Variants in MPZL3 observed in about 807,000 individuals in gnomAD.
MPZL3 encodes the protein myelin protein zero like 3.
MPZL3 carries 23 observed loss-of-function variants against 24.8 expected under a neutral mutation model. The observed-to-expected ratio is 0.93, with a 90% CI of 0.67 to 1.31. MPZL3 has a LOEUF of 1.31. Ranked by LOEUF, MPZL3 falls within the 40% of genes most tolerant of loss-of-function variation. The pLI, the probability that MPZL3 is intolerant of heterozygous loss-of-function variation, is 0.00. For synonymous variants in MPZL3, 99 were observed against 106.5 expected, an observed-to-expected ratio of 0.93 and a Z score of 0.44; for missense variants, 277 against 294.9, an observed-to-expected ratio of 0.94 and a Z score of 0.44.
intron 1 of MPZL3, among the ~76,000 whole-genome samples, chr11:118,248,662 T>A (rs1715446): frequency 0.063 from 9,494 of 150,772 alleles, 978 homozygotes; most frequent in African/African-American, 0.22. Context: ...AAAAAAAAAA[T>A]TCTAAATGAC....
chr11:118,238,261 G>A (rs1396006042), intron 2 of MPZL3, among the ~76,000 whole-genome samples: 1 of 152,154 alleles, frequency 6.6e-6, no homozygotes, highest in Admixed American at 6.5e-5. Context: ...AAAATCACAA[G>A]GAGGTTGTAA....
In MPZL3 at chr11:118,229,861, T is replaced by C. The variant is rs900208630; in HGVS notation, c.*33A>G. On this transcript the variant is annotated 3_prime_UTR_variant, in exon 6 of 6. Coordinates refer to ENST00000278949, the MANE Select transcript of MPZL3 (RefSeq NM_198275.3). ...AGTGGAATGGGATGTTTCCTGTCTT[T>C]AGGTGACTCTTCTTGTGTCATACAG... 5 of 1,612,068 alleles carry C rather than the reference T, an allele frequency of 3.1e-6. No individual in the cohort carries two copies. Among genetic ancestry groups the C allele is most frequent in the Non-Finnish European group, 4.2e-6 (5 of 1,178,514 alleles).
chr11:118,240,109 T>A (rs1949473592), intron 2 of MPZL3, 102 bp downstream of exon 2: 1 of 1,198,724 alleles, frequency 8.3e-7, no homozygotes, highest in African/African-American at 1.6e-5. Flanking sequence ...GAAGCCCATC[T>A]TCTACTCTAA....
Position 118,240,327 on chromosome 11 carries a change from C to T in MPZL3, c.124G>A (p.Gly42Ser). 6.2e-7 allele frequency: 1 copy of T among 1,608,418 alleles called. No homozygotes were observed. The highest frequency in any genetic ancestry group is 8.5e-7 in the Non-Finnish European group (1 of 1,178,164). Residue 42 changes from glycine (G) to serine (S), a missense_variant, in exon 2 of 6, where the codon GGT becomes AGT. Gly to Ser is a moderately conservative substitution (Grantham distance 56, BLOSUM62 0). Coordinates refer to ENST00000278949, the MANE Select transcript of MPZL3 (RefSeq NM_198275.3). The part of the protein sequence containing the change: ...LEIRADAHVR[G>S]YVGEKIKLKC... ...AACTTGATCTTTTCTCCAACATAACCTCGGACATGGGCATCTGCACGAATC... is the reference window on the plus strand; with the variant it reads ...AACTTGATCTTTTCTCCAACATAACTTCGGACATGGGCATCTGCACGAATC...
intron 1 of MPZL3, among the ~76,000 whole-genome samples, chr11:118,241,398 G>T (rs1049865463): frequency 6.6e-6 from 1 of 152,182 alleles, no homozygotes; most frequent in Non-Finnish European, 1.5e-5. Context: ...GATTGAGCAC[G>T]CAGGCCACGG....
At position 118,227,343 on chromosome 11, in the gene MPZL3, A is replaced by C. The variant is rs186278810; in HGVS notation, c.*2551T>G. The C allele has an allele frequency of 1.5e-3, 231 of 152,342 alleles. 1 individual carries two copies. The highest frequency in any genetic ancestry group is 4.2e-3 in the African/African-American group (174 of 41,580). 9.4% of individuals were successfully genotyped at this position (152,342 alleles called of 1,614,324 possible). A position where few individuals can be genotyped will look rare whatever the true frequency, so the allele number is the denominator to read the frequency against. On this transcript the variant is annotated 3_prime_UTR_variant, in exon 6 of 6. Coordinates refer to ENST00000278949, the MANE Select transcript of MPZL3 (RefSeq NM_198275.3). ...AGCTCATGAGGTAGCAAAAAGAGAG[A>C]GAGAATAGCACCTTAGAAGTTACTC...
intron 1 of MPZL3, among the ~76,000 whole-genome samples, chr11:118,249,418 T>A (rs1949594832): frequency 6.6e-6 from 1 of 152,130 alleles, no homozygotes; most frequent in South Asian, 2.1e-4. Flanking sequence ...ATAAAAAAAA[T>A]ACCAATCCAA....
intron 1 of MPZL3, among the ~76,000 whole-genome samples, chr11:118,247,512 G>A (rs1228260415): frequency 6.6e-6 from 1 of 152,168 alleles, no homozygotes; most frequent in Non-Finnish European, 1.5e-5. Flanking sequence ...TGGCTTTTGA[G>A]AGCCAATCAC....
rs1949300482 is a variant in MPZL3 at position 118,228,402 on chromosome 11, T to C, written c.*1492A>G. The C allele has an allele frequency of 1.3e-5, 2 of 152,210 alleles. No homozygotes were observed. Among genetic ancestry groups the C allele is most frequent in the Non-Finnish European group, 2.9e-5 (2 of 68,032 alleles). The allele number at this position is 152,210 out of a possible 1,614,324, so 9.4% of individuals were successfully genotyped here. The stretch of plus-strand genomic sequence containing the variant: ...AGGGGATAATTTTTGTCTCTCATAA[T>C]TGAGAAGTAAATCCAATCACTATTA... On this transcript the variant is annotated 3_prime_UTR_variant, in exon 6 of 6. Transcript: ENST00000278949.
chr11:118,240,517 A>G, intron 1 of MPZL3, 140 bp from the exon 2 acceptor site: 2 of 758,226 alleles, frequency 2.6e-6, no homozygotes, highest in East Asian at 3.2e-5. Flanking sequence ...GCAAGCCCAC[A>G]AGGGACAAGG....
At chr11:118,242,660 G>A (rs559092227) in intron 1 of MPZL3, among the ~76,000 whole-genome samples, 1 of 152,226 alleles carries the variant, frequency 6.6e-6, no homozygotes, top group East Asian at 1.9e-4. Context: ...AATCCTGCCT[G>A]GGTTGTTCCC....
chr11:118,237,082 A>G lies in MPZL3; in HGVS notation c.419T>C (p.Ile140Thr). 1 of 1,614,020 alleles carries G rather than the reference A, an allele frequency of 6.2e-7. No homozygotes were observed. The highest frequency in any genetic ancestry group is 1.1e-5 in the South Asian group (1 of 91,078). ...TGTGACTGTTAGCTCTGTCATGGGA[A>G]TATTATGATGCACATCTGGGGGATT... Reference protein sequence around the residue: ...VKNPPDVHHNIPMTELTVTER... With the variant: ...VKNPPDVHHNTPMTELTVTER... The change falls in exon 3 of 6, where the codon ATT (isoleucine) becomes ACT (threonine). Residue 140 changes from isoleucine (I) to threonine (T), a missense_variant. Transcript: ENST00000278949.
Position 118,227,820 on chromosome 11 carries a change from T to C in MPZL3, c.*2074A>G. ...GTTCCTCATTTAATGGGATATGGCT[T>C]TCAGTGGGTTCCTGTAACACCATCT... is the stretch of plus-strand genomic sequence containing the variant. On this transcript the variant is annotated 3_prime_UTR_variant, in exon 6 of 6. Coordinates refer to ENST00000278949, the MANE Select transcript of MPZL3 (RefSeq NM_198275.3). The C allele has an allele frequency of 6.6e-6, 1 of 152,142 alleles. No individual in the cohort carries two copies. Among genetic ancestry groups the C allele is most frequent in the Non-Finnish European group, 1.5e-5 (1 of 68,016 alleles). 9.4% of individuals were successfully genotyped at this position (152,142 alleles called of 1,614,324 possible).
intron 5 of MPZL3, among the ~76,000 whole-genome samples, chr11:118,231,443 A>G (rs1432573933): frequency 7.2e-6 from 1 of 139,828 alleles, no homozygotes; most frequent in Non-Finnish European, 1.5e-5. Context: ...CCCTATCTAC[A>G]TTCATTTCCC....
rs563410288 is a variant in MPZL3 at position 118,228,275 on chromosome 11, C to T, written c.*1619G>A. 6.6e-6 allele frequency: 1 copy of T among 152,022 alleles called. No individual in the cohort carries two copies. The highest frequency in any genetic ancestry group is 1.5e-5 in the Non-Finnish European group (1 of 67,980). The allele number at this position is 152,022 out of a possible 1,614,324, so 9.4% of individuals were successfully genotyped here. A position where few individuals can be genotyped will look rare whatever the true frequency, so the allele number is the denominator to read the frequency against. On this transcript the variant is annotated 3_prime_UTR_variant, in exon 6 of 6. Coordinates refer to ENST00000278949, the MANE Select transcript of MPZL3 (RefSeq NM_198275.3). ...GAGAGAGAGAAAAGTGATTTTTAAA[C>T]TAACATATACAGTCTGAAGCGCTGT...
chr11:118,235,377 G>T, intron 4 of MPZL3, 47 bp downstream of exon 4: 5 of 1,602,500 alleles, frequency 3.1e-6, no homozygotes, highest in Non-Finnish European at 4.3e-6. Flanking sequence ...TGGGTAGAGC[G>T]CTAAGGAGGA....
In MPZL3 at chr11:118,228,169, A is replaced by G. The variant is rs1436587158; in HGVS notation, c.*1725T>C. 2.0e-5 allele frequency: 3 copies of G among 152,194 alleles called. No homozygotes were observed. Among genetic ancestry groups the G allele is most frequent in the Non-Finnish European group, 4.4e-5 (3 of 68,036 alleles). 9.4% of individuals were successfully genotyped at this position (152,194 alleles called of 1,614,324 possible). On this transcript the variant is annotated 3_prime_UTR_variant, in exon 6 of 6. Coordinates refer to ENST00000278949, the MANE Select transcript of MPZL3 (RefSeq NM_198275.3). ...CTCATCTGTGGACTAGGTTAACAGA[A>G]GAGGCTAGGCCAAATCTATGATACG...
intron 1 of MPZL3, among the ~76,000 whole-genome samples, chr11:118,246,231 C>G (rs1025098022): frequency 6.6e-6 from 1 of 152,164 alleles, no homozygotes; most frequent in African/African-American, 2.4e-5. Flanking sequence ...CTTGGACAAT[C>G]CTATTCACTT....
chr11:118,238,776 CG>C (rs1949456658), intron 2 of MPZL3, among the ~76,000 whole-genome samples: 1 of 152,098 alleles, frequency 6.6e-6, no homozygotes, highest in African/African-American at 2.4e-5. Context: ...CCTACTCTCA[CG>C]GAACTTACAT....
Sources: allele counts gnomAD v4.1 joint callset (sites outside exome capture counted in the v4.1 genomes callset), GRCh38; gene constraint gnomAD v4.1.1; transcripts MANE v1.5; gene names NCBI Gene and HGNC (gene_info 2026-07-23, HGNC 2026-07-21).